Variants in ZCCHC7 observed in about 807,000 individuals in gnomAD.
The protein encoded by ZCCHC7 is zinc finger CCHC-type containing 7, also known as zinc finger CCHC domain-containing protein 7.
A neutral mutation model predicts 52.0 loss-of-function variants in ZCCHC7; 35 were observed. The ratio of observed to expected loss-of-function variants is 0.67; its 90% CI spans 0.51 to 0.89. The LOEUF (loss-of-function observed/expected upper bound fraction) is 0.89. Among genes scored for constraint, ZCCHC7 ranks in the 40% least tolerant of loss-of-function variants. ZCCHC7 has a pLI of 0.00. For missense variants in ZCCHC7, 574 were observed against 649.1 expected (o/e 0.88, Z 1.26); for synonymous variants, 217 against 221.5 (o/e 0.98, Z 0.18).
intron 5 of ZCCHC7, among the ~76,000 whole-genome samples, chr9:37,314,959 G>A (rs578183921): frequency 2.6e-5 from 4 of 151,970 alleles, no homozygotes; most frequent in Admixed American, 6.6e-5. Context: ...TCAATCCTAG[G>A]TATGATCTGG....
chr9:37,324,633 G>T (rs1210225354), intron 5 of ZCCHC7, among the ~76,000 whole-genome samples: 2 of 152,140 alleles, frequency 1.3e-5, no homozygotes, highest in Non-Finnish European at 2.9e-5. Context: ...ATACATTTTG[G>T]TTATTCATAT....
intron 2 of ZCCHC7, among the ~76,000 whole-genome samples, chr9:37,178,585 T>C (rs569051267): frequency 2.0e-5 from 3 of 152,276 alleles, no homozygotes; most frequent in African/African-American, 2.4e-5. Context: ...AAAACTCTTA[T>C]AGTTATGATA....
intron 2 of ZCCHC7, among the ~76,000 whole-genome samples, chr9:37,139,204 T>A (rs897770980): frequency 2.0e-5 from 3 of 152,062 alleles, no homozygotes; most frequent in African/African-American, 7.2e-5. Context: ...CTCTTCATTA[T>A]TATTTATCTT....
intron 2 of ZCCHC7, among the ~76,000 whole-genome samples, chr9:37,249,813 A>T (rs1826240822): frequency 6.6e-6 from 1 of 152,144 alleles, no homozygotes; most frequent in African/African-American, 2.4e-5. Context: ...AATTTATATG[A>T]TCAATCAAGC....
At chr9:37,120,266 C>A (rs2132648733), upstream of ZCCHC7, among the ~76,000 whole-genome samples, 1 of 152,298 alleles carries the variant, frequency 6.6e-6, no homozygotes, top group Non-Finnish European at 1.5e-5. Context: ...GTAGAGGGCA[C>A]GAACTCCCCG....
chr9:37,208,328 C>G (rs1419113795), intron 2 of ZCCHC7, among the ~76,000 whole-genome samples: 2 of 152,180 alleles, frequency 1.3e-5, no homozygotes, highest in East Asian at 3.9e-4. Context: ...TCAATTGATC[C>G]ACCTGCCTCG....
At chr9:37,355,521 G>T (rs1365331276) in intron 8 of ZCCHC7, among the ~76,000 whole-genome samples, 1 of 152,108 alleles carries the variant, frequency 6.6e-6, no homozygotes, top group Non-Finnish European at 1.5e-5. Flanking sequence ...TTTCCAAAAT[G>T]AAGGTACTAA....
intron 2 of ZCCHC7, among the ~76,000 whole-genome samples, chr9:37,200,280 AAAAC>A (rs1331153974): frequency 2.0e-5 from 3 of 152,118 alleles, no homozygotes; most frequent in African/African-American, 7.2e-5. Flanking sequence ...TTAAAAAATA[AAAAC>A]AAACCCGAAA....
intron 6 of ZCCHC7, among the ~76,000 whole-genome samples, chr9:37,336,109 T>A (rs570719778): frequency 6.6e-6 from 1 of 152,270 alleles, no homozygotes; most frequent in African/African-American, 2.4e-5. Flanking sequence ...CAAAATAGCA[T>A]AGCAGTTTTT....
intron 6 of ZCCHC7, among the ~76,000 whole-genome samples, chr9:37,330,176 A>G (rs1460610963): frequency 6.6e-6 from 1 of 151,906 alleles, no homozygotes; most frequent in Non-Finnish European, 1.5e-5. Context: ...ACACATAAGA[A>G]AGGTGGTGTA....
intron 2 of ZCCHC7, among the ~76,000 whole-genome samples, chr9:37,296,158 AAAAT>A (rs1828774706): frequency 6.6e-6 from 1 of 152,210 alleles, no homozygotes; most frequent in African/African-American, 2.4e-5. Flanking sequence ...TGCAATCATG[AAAAT>A]TGTACTGGGT....
intron 2 of ZCCHC7, among the ~76,000 whole-genome samples, chr9:37,236,630 G>A (rs1825667601): frequency 6.6e-6 from 1 of 151,942 alleles, no homozygotes; most frequent in Non-Finnish European, 1.5e-5. Context: ...TTCTGACCTC[G>A]TGATCCGCCC....
rs551684689 is a variant in ZCCHC7 at position 37,216,214 on chromosome 9, A to T, written c.611-85974A>T. Among the ~76,000 whole-genome samples the T allele has an allele frequency of 2.6e-5, 4 of 152,314 alleles. No homozygotes were observed. In the South Asian group the frequency reaches 8.3e-4, roughly 32 times the overall value. On this transcript the variant is annotated intron_variant, in intron 2 of 8. Transcript: ENST00000336755. ...TTCATTCTTGTCTCTTAGAAAGTACATGAATTGCCTGTATATGGTTCATAT... is the reference window on the plus strand; with the variant it reads ...TTCATTCTTGTCTCTTAGAAAGTACTTGAATTGCCTGTATATGGTTCATAT...
At chr9:37,162,346 A>G (rs1391121035) in intron 2 of ZCCHC7, among the ~76,000 whole-genome samples, 8 of 152,108 alleles carry the variant, frequency 5.3e-5, no homozygotes, top group Non-Finnish European at 1.0e-4. Flanking sequence ...AACATAACCT[A>G]AATCTCCAGA....
At chr9:37,173,195 G>A (rs1821837601) in intron 2 of ZCCHC7, among the ~76,000 whole-genome samples, 1 of 152,228 alleles carries the variant, frequency 6.6e-6, no homozygotes, top group African/African-American at 2.4e-5. Flanking sequence ...TAGCAATGTC[G>A]GCATTCCAGT....
At chr9:37,210,235 CAGTT>C in intron 2 of ZCCHC7, among the ~76,000 whole-genome samples, 1 of 152,122 alleles carries the variant, frequency 6.6e-6, no homozygotes, top group Admixed American at 6.5e-5. Context: ...GTCAAACTGA[CAGTT>C]GGTGTGACTG....
chr9:37,304,269 T>C lies in ZCCHC7; in HGVS notation c.736T>C (p.Cys246Arg), dbSNP rs749555127. ...CAACAAAAACATTATCTGTAGAAATTGTGACAAACGTGGTCATTTATCAAA... is the reference window on the plus strand; with the variant it reads ...CAACAAAAACATTATCTGTAGAAATCGTGACAAACGTGGTCATTTATCAAA... ...SANKNIICRN[C>R]DKRGHLSKNC... The change falls in exon 4 of 9, where the codon TGT becomes CGT. Residue 246 changes from cysteine to arginine, a missense_variant. Coordinates refer to ENST00000336755, the MANE Select transcript of ZCCHC7 (RefSeq NM_032226.3). The C allele has an allele frequency of 1.2e-6, 2 of 1,614,042 alleles. No individual in the cohort carries two copies. Among genetic ancestry groups the C allele is most frequent in the East Asian group, 4.5e-5 (2 of 44,864 alleles).
intron 6 of ZCCHC7, among the ~76,000 whole-genome samples, chr9:37,346,530 G>C (rs1002401618): frequency 6.6e-6 from 1 of 152,082 alleles, no homozygotes; most frequent in Non-Finnish European, 1.5e-5. Context: ...AGAAAAAATA[G>C]CTGGGCATGG....
At chr9:37,163,344 T>C (rs1196183683) in intron 2 of ZCCHC7, among the ~76,000 whole-genome samples, 3 of 137,710 alleles carry the variant, frequency 2.2e-5, no homozygotes, top group Admixed American at 8.1e-5. Context: ...GCCAAGATCA[T>C]GCCACTGCAC....
Sources: allele counts gnomAD v4.1 joint callset (sites outside exome capture counted in the v4.1 genomes callset), GRCh38; gene constraint gnomAD v4.1.1; transcripts MANE v1.5; gene names NCBI Gene and HGNC (gene_info 2026-07-23, HGNC 2026-07-21).